Variants in TARBP1 observed in about 807,000 individuals in gnomAD.
TARBP1 encodes the protein tRNA (guanosine(18)-2'-O)-methyltransferase TARBP1.
TARBP1 carries 144 observed loss-of-function variants against 178.6 expected under a neutral mutation model. The ratio of observed to expected loss-of-function variants is 0.81; its 90% CI spans 0.70 to 0.93. The LOEUF (loss-of-function observed/expected upper bound fraction) is 0.93, where lower values mean the gene tolerates loss of function less well. TARBP1 is among the 40% of genes least tolerant of loss of function. The probability of loss-of-function intolerance (pLI) is 0.00; values close to 1 mark genes in which losing one functional copy is unlikely to be tolerated. For synonymous variants in TARBP1, 787 were observed against 781.0 expected (o/e 1.01, Z -0.13); for missense variants, 2,067 against 2,011.7 (o/e 1.03, Z -0.53).
intron 12 of TARBP1, among the ~76,000 whole-genome samples, chr1:234,439,998 A>G (rs879742337): frequency 3.3e-5 from 5 of 152,324 alleles, no homozygotes; most frequent in Non-Finnish European, 7.4e-5. Context: ...CATATCCCAC[A>G]TAAACTTAAA....
At chr1:234,453,885 G>A (rs1667032587) in intron 9 of TARBP1, among the ~76,000 whole-genome samples, 1 of 152,162 alleles carries the variant, frequency 6.6e-6, no homozygotes, top group South Asian at 2.1e-4. Flanking sequence ...TGTGGGAGAT[G>A]TGCAATACAT....
chr1:234,406,494 C>T lies in TARBP1; in HGVS notation c.3793-395G>A, dbSNP rs535163510. 4.3e-4 allele frequency: 81 copies of T among 189,454 alleles called. 1 individual carries two copies. The South Asian group carries it at 8.3e-3, about 19-fold the overall frequency. 11.7% of individuals were successfully genotyped at this position (189,454 alleles called of 1,614,324 possible). On this transcript the variant is annotated intron_variant, in intron 23 of 29. Transcript: ENST00000040877. ...AAGTCAGAAATAGTCTTCAAGAGTC[C>T]CACTTCTGATGGCTTGAAAATGCTC...
chr1:234,471,480 A>G (rs1245535798), intron 2 of TARBP1, among the ~76,000 whole-genome samples: 2 of 152,238 alleles, frequency 1.3e-5, no homozygotes, highest in Non-Finnish European at 2.9e-5. Flanking sequence ...ATTAAAGTCT[A>G]CCATTTATAC....
chr1:234,437,745 C>T (rs1232598578), intron 12 of TARBP1, among the ~76,000 whole-genome samples: 1 of 152,206 alleles, frequency 6.6e-6, no homozygotes, highest in Middle Eastern at 3.2e-3. Context: ...TGGTCCTCCT[C>T]CCAATTGTAA....
chr1:234,470,043 G>A (rs1402780837), intron 3 of TARBP1, among the ~76,000 whole-genome samples: 1 of 152,178 alleles, frequency 6.6e-6, no homozygotes, highest in Non-Finnish European at 1.5e-5. Context: ...GAGGCAGGTG[G>A]ATCACCTGAG....
At chr1:234,421,748 A>C (rs955317676) in intron 20 of TARBP1, among the ~76,000 whole-genome samples, 1 of 152,354 alleles carries the variant, frequency 6.6e-6, no homozygotes. Flanking sequence ...TTTTATCACC[A>C]TAACTATTAG....
chr1:234,404,307 CCT>C (rs1320973377), intron 24 of TARBP1, among the ~76,000 whole-genome samples: 2 of 152,122 alleles, frequency 1.3e-5, no homozygotes, highest in African/African-American at 4.8e-5. Context: ...GTAACTATAC[CCT>C]CTGTCCCCTG....
intron 20 of TARBP1, among the ~76,000 whole-genome samples, chr1:234,421,182 G>A (rs866339801): frequency 6.6e-6 from 1 of 152,018 alleles, no homozygotes; most frequent in East Asian, 1.9e-4. Context: ...TCCGCCTCCC[G>A]GGTTCTAGCA....
In TARBP1 at chr1:234,459,302, GA is replaced by G; in HGVS notation, c.1559del (p.Ile520ThrfsTer7). 6.2e-7 allele frequency: 1 copy of G among 1,612,822 alleles called. No individual in the cohort carries two copies. The highest frequency in any genetic ancestry group is 8.5e-7 in the Non-Finnish European group (1 of 1,179,476). On this transcript the variant is annotated frameshift_variant, in exon 8 of 30. Coordinates refer to ENST00000040877, the MANE Select transcript of TARBP1 (RefSeq NM_005646.4). LOFTEE classifies it high-confidence loss of function. Reference sequence around the variant, plus strand: ...CCCCTCTCAGGAGAATCTGATGTGTGATCATAGTGCAATGAATAACATCCCT... The same window carrying G: ...CCCCTCTCAGGAGAATCTGATGTGTGTCATAGTGCAATGAATAACATCCCT... ...ALRDVIHCTM[I>X]THQILLRGAA...
At chr1:234,453,473 A>C (rs1235871897) in intron 9 of TARBP1, among the ~76,000 whole-genome samples, 1 of 151,950 alleles carries the variant, frequency 6.6e-6, no homozygotes, top group Non-Finnish European at 1.5e-5. Context: ...TACAGGCATG[A>C]GCCACCATGC....
intron 1 of TARBP1, among the ~76,000 whole-genome samples, chr1:234,475,028 T>C (rs1486331094): frequency 6.6e-6 from 1 of 152,198 alleles, no homozygotes; most frequent in African/African-American, 2.4e-5. Context: ...GTTTTAAAAA[T>C]GGCATTTTGA....
rs568676989 is a variant in TARBP1 at position 234,425,267 on chromosome 1, C to T, written c.3444+406G>A. Among the ~76,000 whole-genome samples, 8 of 152,200 alleles carry T rather than the reference C, an allele frequency of 5.3e-5. No homozygotes were observed. In the East Asian group the frequency reaches 9.6e-4, roughly 18 times the overall value. On this transcript the variant is annotated intron_variant, in intron 20 of 29. Transcript: ENST00000040877. The stretch of plus-strand genomic sequence containing the variant: ...AAAACAAACAAACAAAAAACACAAC[C>T]GGGTTTGACTGGCACTGGAAAATAC...
chr1:234,398,082 G>T, intron 26 of TARBP1: 1 of 203,910 alleles, frequency 4.9e-6, no homozygotes, highest in East Asian at 1.0e-4. Context: ...GAAAAGCAAT[G>T]AGTGTTAACG....
At position 234,448,561 on chromosome 1, in the gene TARBP1, A is replaced by G. The variant is rs1379368558; in HGVS notation, c.1880T>C (p.Met627Thr). Reference sequence around the variant, plus strand: ...AAGCTTGGCTTCAAACCAATCAGGCATAAAGCAGTTTTCTCCTGCTTAAAT... The same window carrying G: ...AAGCTTGGCTTCAAACCAATCAGGCGTAAAGCAGTTTTCTCCTGCTTAAAT... ...SAWETGENCFMPDWFEAKLVS... is the reference protein window; with the variant it reads ...SAWETGENCFTPDWFEAKLVS... The change falls in exon 11 of 30, where the codon ATG becomes ACG. Residue 627 changes from methionine (M) to threonine (T), a missense_variant. Transcript: ENST00000040877. The G allele has an allele frequency of 2.5e-6, 4 of 1,613,954 alleles. No individual in the cohort carries two copies. The Admixed American group carries it at 6.7e-5, about 27-fold the overall frequency.
chr1:234,408,815 A>G (rs1398812242), intron 23 of TARBP1, among the ~76,000 whole-genome samples: 3 of 152,176 alleles, frequency 2.0e-5, no homozygotes, highest in Non-Finnish European at 2.9e-5. Context: ...TTGAGTACTA[A>G]TAAGACTCCA....
intron 13 of TARBP1, among the ~76,000 whole-genome samples, chr1:234,434,051 A>T (rs1664759476): frequency 6.6e-6 from 1 of 152,230 alleles, no homozygotes; most frequent in South Asian, 2.1e-4. Context: ...AAACCCAGAA[A>T]AAAATGGGTT....
chr1:234,414,802 T>C (rs1298902700), intron 22 of TARBP1, among the ~76,000 whole-genome samples: 1 of 152,004 alleles, frequency 6.6e-6, no homozygotes, highest in African/African-American at 2.4e-5. Flanking sequence ...CTGGCCAACA[T>C]GGTAAAACCC....
In TARBP1 at chr1:234,391,903, G is replaced by A. The variant is rs182357634; in HGVS notation, c.4698-158C>T. ...CAAATGAAGTTAAGTCTGTAGTACCGGGAAATAAATAAGAGTGTAAAAAAA... is the reference window on the plus strand; with the variant it reads ...CAAATGAAGTTAAGTCTGTAGTACCAGGAAATAAATAAGAGTGTAAAAAAA... On this transcript the variant is annotated intron_variant, in intron 29 of 29. Coordinates refer to ENST00000040877, the MANE Select transcript of TARBP1 (RefSeq NM_005646.4). Among the ~76,000 whole-genome samples, 56 of 152,100 alleles carry A rather than the reference G, an allele frequency of 3.7e-4. No homozygotes were observed. The East Asian group carries it at 9.3e-3, about 25-fold the overall frequency.
chr1:234,393,735 A>C lies in TARBP1; in HGVS notation c.4346T>G (p.Leu1449Arg), dbSNP rs1437624942. 1.2e-6 allele frequency: 2 copies of C among 1,613,920 alleles called. No individual in the cohort carries two copies. Reference sequence around the variant, plus strand: ...AAGTCTGGCAGCACGATCCTGAAACAGGAGCTCCAGGTCTAAGTCGGAAAC... The same window carrying C: ...AAGTCTGGCAGCACGATCCTGAAACCGGAGCTCCAGGTCTAAGTCGGAAAC... ...SRVSDLDLEL[L>R]FQDRAARLGK... Residue 1449 changes from leucine (L) to arginine (R), a missense_variant, in exon 27 of 30, where the codon CTG (leucine) becomes CGG (arginine). Transcript: ENST00000040877.
Sources: allele counts gnomAD v4.1 joint callset (sites outside exome capture counted in the v4.1 genomes callset), GRCh38; gene constraint gnomAD v4.1.1; transcripts MANE v1.5; gene names NCBI Gene and HGNC (gene_info 2026-07-23, HGNC 2026-07-21).